ASIC2: variants seen among roughly 807,000 people sequenced by gnomAD.
ASIC2 encodes the protein acid-sensing ion channel 2.
Under a neutral mutation model 57.3 loss-of-function variants are expected in ASIC2, and 25 were observed. The ratio of observed to expected loss-of-function variants is 0.44; its 90% confidence interval spans 0.32 to 0.61. The LOEUF (loss-of-function observed/expected upper bound fraction) is 0.61, where lower values mean the gene tolerates loss of function less well. Ranked by LOEUF, ASIC2 falls within the 20% of genes least tolerant of loss-of-function variation. ASIC2 has a pLI of 0.06. For synonymous variants in ASIC2, 319 were observed against 307.5 expected, an observed-to-expected ratio of 1.04 and a Z score of -0.39; for missense variants, 641 against 738.1, an observed-to-expected ratio of 0.87 and a Z score of 1.52.
At chr17:33,046,886 C>A (rs1160883957) in intron 3 of ASIC2, among the ~76,000 whole-genome samples, 1 of 152,234 alleles carries the variant, frequency 6.6e-6, no homozygotes, top group Non-Finnish European at 1.5e-5. Context: ...AGAATGAGCC[C>A]CAGTCACCTT....
chr17:33,340,603 G>T (rs531657992), intron 1 of ASIC2, among the ~76,000 whole-genome samples: 1 of 152,238 alleles, frequency 6.6e-6, no homozygotes, highest in African/African-American at 2.4e-5. Context: ...TTTTCTGGGA[G>T]ATGATGTTAA....
intron 1 of ASIC2, among the ~76,000 whole-genome samples, chr17:33,958,888 C>A (rs1302051917): frequency 6.6e-6 from 1 of 152,136 alleles, no homozygotes; most frequent in East Asian, 1.9e-4. Flanking sequence ...TCTGTCACCT[C>A]TCCAGTGCTT....
chr17:33,808,023 G>T (rs925766984), intron 1 of ASIC2, among the ~76,000 whole-genome samples: 1 of 152,216 alleles, frequency 6.6e-6, no homozygotes, highest in Non-Finnish European at 1.5e-5. Flanking sequence ...TCACAGAGCA[G>T]AAATTTTTAA....
chr17:33,910,018 C>G (rs567030602), intron 1 of ASIC2, among the ~76,000 whole-genome samples: 1 of 152,140 alleles, frequency 6.6e-6, no homozygotes, highest in African/African-American at 2.4e-5. Flanking sequence ...GTAATAATAG[C>G]ACCACCCTCG....
chr17:33,242,010 G>A (rs747312315), intron 1 of ASIC2, among the ~76,000 whole-genome samples: 9 of 151,988 alleles, frequency 5.9e-5, no homozygotes, highest in African/African-American at 1.5e-4. Flanking sequence ...CTTTAACTCC[G>A]AACCTACACA....
At chr17:33,427,355 G>A (rs1424516696) in intron 1 of ASIC2, among the ~76,000 whole-genome samples, 2 of 152,170 alleles carry the variant, frequency 1.3e-5, no homozygotes, top group African/African-American at 2.4e-5. Context: ...GGAATAATCT[G>A]CTAGCAGAAC....
chr17:33,793,638 G>A (rs1339114884), intron 1 of ASIC2: 1 of 152,202 alleles, frequency 6.6e-6, no homozygotes, highest in Non-Finnish European at 1.5e-5. Context: ...GTAGGAGGTA[G>A]GATCTGGAGC....
intron 1 of ASIC2, among the ~76,000 whole-genome samples, chr17:33,878,644 A>C (rs1249947257): frequency 1.3e-5 from 2 of 152,242 alleles, no homozygotes; most frequent in African/African-American, 4.8e-5. Context: ...GTGTACCTGA[A>C]AGTGATGGGG....
In ASIC2 at chr17:33,800,134, C is replaced by T. The variant is rs115888901; in HGVS notation, c.555+355844G>A. 3.5e-3 allele frequency among the ~76,000 whole-genome samples: 536 copies of T among 152,252 alleles called. 6 individuals carry two copies. The highest frequency in any genetic ancestry group is 0.012 in the African/African-American group (509 of 41,542). On this transcript the variant is annotated intron_variant, in intron 1 of 9. Coordinates refer to the ASIC2 transcript ENST00000359872. ...ACATACCCCATTGCCTCTTCAGCTG[C>T]ATCTGCATCTCAGGCCTTGACCTGT... is the stretch of plus-strand genomic sequence containing the variant.
At chr17:33,718,944 C>A (rs1555554305) in intron 1 of ASIC2, among the ~76,000 whole-genome samples, 2 of 152,190 alleles carry the variant, frequency 1.3e-5, no homozygotes, top group Non-Finnish European at 2.9e-5. Flanking sequence ...GGTCATCAAC[C>A]AAAACCTGGA....
intron 1 of ASIC2, among the ~76,000 whole-genome samples, chr17:33,700,951 T>C (rs1433470917): frequency 6.6e-6 from 1 of 152,074 alleles, no homozygotes; most frequent in African/African-American, 2.4e-5. Context: ...CAGAGTAGAA[T>C]TGGGGGAGCA....
chr17:33,281,890 G>A (rs969285855), intron 1 of ASIC2, among the ~76,000 whole-genome samples: 1 of 152,204 alleles, frequency 6.6e-6, no homozygotes, highest in Non-Finnish European at 1.5e-5. Flanking sequence ...ATTTGAACTT[G>A]AGTCTGTCGA....
chr17:33,388,565 T>G lies in ASIC2; in HGVS notation c.556-276498A>C, dbSNP rs150470904. Among the ~76,000 whole-genome samples the G allele has an allele frequency of 3.8e-3, 580 of 152,312 alleles. 3 individuals are homozygous for G. Among genetic ancestry groups the G allele is most frequent in the African/African-American group, 8.2e-3 (339 of 41,564 alleles). ...TATTCATGGATGGTCTTTTCCCCTTTCTTAAGGATACAGACTTTTATCAGC... is the reference window on the plus strand; with the variant it reads ...TATTCATGGATGGTCTTTTCCCCTTGCTTAAGGATACAGACTTTTATCAGC... On this transcript the variant is annotated intron_variant, in intron 1 of 9. Transcript: ENST00000359872.
At position 33,016,059 on chromosome 17, in the gene ASIC2, G is replaced by A. The variant is rs758542088; in HGVS notation, c.1522-20C>T. The A allele has an allele frequency of 1.2e-6, 2 of 1,613,148 alleles. No homozygotes were observed. Among genetic ancestry groups the A allele is most frequent in the Non-Finnish European group, 1.7e-6 (2 of 1,179,648 alleles). ...GATCAGCTGCAAGAAAAGCAGGAAGGGGTTGGTCAGGCCGGGAAGAGGGTG... is the reference window on the plus strand; with the variant it reads ...GATCAGCTGCAAGAAAAGCAGGAAGAGGTTGGTCAGGCCGGGAAGAGGGTG... On this transcript the variant is annotated intron_variant, in intron 8 of 9. Coordinates refer to ENST00000225823, the MANE Select transcript of ASIC2 (RefSeq NM_183377.2).
At chr17:33,042,919 A>G (rs949126736) in intron 3 of ASIC2, among the ~76,000 whole-genome samples, 1 of 151,558 alleles carries the variant, frequency 6.6e-6, no homozygotes, top group Non-Finnish European at 1.5e-5. Context: ...CCGATTAAAC[A>G]TTATCCCTGT....
intron 1 of ASIC2, among the ~76,000 whole-genome samples, chr17:34,082,983 G>T (rs1293788461): frequency 6.6e-6 from 1 of 151,642 alleles, no homozygotes; most frequent in Non-Finnish European, 1.5e-5. Context: ...CTCACAGCAT[G>T]CATTTATTTG....
intron 1 of ASIC2, among the ~76,000 whole-genome samples, chr17:33,644,101 T>G (rs1197085609): frequency 2.6e-5 from 4 of 152,188 alleles, no homozygotes; most frequent in African/African-American, 9.7e-5. Flanking sequence ...AGTCACCCTC[T>G]TGGTCAGGTT....
At chr17:33,161,721 G>A (rs1232769909) in intron 1 of ASIC2, among the ~76,000 whole-genome samples, 2 of 152,164 alleles carry the variant, frequency 1.3e-5, no homozygotes, top group African/African-American at 4.8e-5. Flanking sequence ...TCTGATGGCT[G>A]GGGTCTTTCC....
intron 1 of ASIC2, among the ~76,000 whole-genome samples, chr17:33,334,407 CCTCTT>C (rs1453433273): frequency 6.6e-6 from 1 of 152,194 alleles, no homozygotes; most frequent in African/African-American, 2.4e-5. Context: ...CTGTTTGCCT[CCTCTT>C]CTCCTACTTC....
Sources: gnomAD v4.1 joint callset for allele counts (sites outside exome capture counted in the v4.1 genomes callset) on GRCh38, gnomAD v4.1.1 for gene constraint, MANE v1.5 for transcripts, NCBI Gene and HGNC (gene_info 2026-07-23, HGNC 2026-07-21) for gene names.